DCAF7: variants seen among roughly 807,000 people sequenced by gnomAD.
The protein encoded by DCAF7 is DDB1- and CUL4-associated factor 7.
In DCAF7, 4 loss-of-function variants were observed where a neutral mutation model predicts 41.2. The observed-to-expected ratio is 0.10, with a 90% CI of 0.05 to 0.22. The LOEUF is 0.22. DCAF7 is among the 10% of genes least tolerant of loss of function. The pLI, the probability that DCAF7 is intolerant of heterozygous loss-of-function variation, is 1.00. For missense variants in DCAF7, 131 were observed against 443.2 expected, an observed-to-expected ratio of 0.30 and a Z score of 6.32; for synonymous variants, 143 against 164.2, an observed-to-expected ratio of 0.87 and a Z score of 0.99.
At chr17:63,559,377 GTA>G (rs10637227) in intron 1 of DCAF7, among the ~76,000 whole-genome samples, 62 of 114,176 alleles carry the variant, frequency 5.4e-4, no homozygotes, top group Non-Finnish European at 7.5e-4. Flanking sequence ...ATATATATGT[GTA>G]TATATATGTA....
At chr17:63,556,746 A>T (rs2033315478) in intron 1 of DCAF7, among the ~76,000 whole-genome samples, 1 of 152,126 alleles carries the variant, frequency 6.6e-6, no homozygotes, top group African/African-American at 2.4e-5. Context: ...GCGTGCCTGT[A>T]ATCCAAGCTA....
chr17:63,567,128 G>GA (rs921377791), intron 1 of DCAF7, among the ~76,000 whole-genome samples: 16 of 151,950 alleles, frequency 1.1e-4, no homozygotes, highest in South Asian at 2.1e-4. Context: ...TTTAAAAAAA[G>GA]AAAAAACCAC....
Position 63,550,652 on chromosome 17 carries a change from G to C in DCAF7, c.-26G>C, listed in dbSNP as rs777836135. ...CCCGCCGCAGCCCACTGTTGACCCG[G>C]CCCGTACTGCGGCCCCGTGGCCACC... On this transcript the variant is annotated 5_prime_UTR_variant, in exon 1 of 7. Transcript: ENST00000614556. This position sits in a 1 kb window ranked among gnomAD's most constrained non-coding sequence, Gnocchi z 4.8. 6.2e-7 allele frequency: 1 copy of C among 1,611,824 alleles called. No individual in the cohort carries two copies. The highest frequency in any genetic ancestry group is 8.5e-7 in the Non-Finnish European group (1 of 1,179,326).
rs1284035990 is a variant in DCAF7 at position 63,592,411 on chromosome 17, T to TAAAAAAAAAAAAA, written c.*3243_*3255dup. 9.6e-6 allele frequency: 1 copy of TAAAAAAAAAAAAA among 103,654 alleles called. No individual in the cohort carries two copies. Among genetic ancestry groups the TAAAAAAAAAAAAA allele is most frequent in the Non-Finnish European group, 2.2e-5 (1 of 45,836 alleles). 6.4% of individuals were successfully genotyped at this position (103,654 alleles called of 1,614,324 possible). A position where few individuals can be genotyped will look rare whatever the true frequency, so the allele number is the denominator to read the frequency against. On this transcript the variant is annotated 3_prime_UTR_variant, in exon 7 of 7. Transcript: ENST00000614556. ...CAGAGCAAGACTCCGTCTCAAAAAA[T>TAAAAAAAAAAAAA]AAAAAAAAAAAAAAAATAGGTGAAA...
rs1220170548 is a variant in DCAF7 at position 63,588,257 on chromosome 17, G to A, written c.857-743G>A. ...TGCTGGAGTGCGGTGGTATGATCTC[G>A]GCTCACTGCAACCTCTGCCTCCCGA... On this transcript the variant is annotated intron_variant, in intron 6 of 6. Coordinates refer to ENST00000614556, the MANE Select transcript of DCAF7 (RefSeq NM_005828.5). Among the ~76,000 whole-genome samples the A allele has an allele frequency of 6.9e-5, 10 of 145,600 alleles. No homozygotes were observed. The East Asian group carries it at 1.4e-3, about 20-fold the overall frequency.
In DCAF7 at chr17:63,550,524, T is replaced by C; in HGVS notation, c.-154T>C. Reference sequence around the variant, plus strand: ...TGAAACTAGGGGTCGGGCTCGGCCGTCGTCGTTGTTTGTCGCCGCATCCCC... The same window carrying C: ...TGAAACTAGGGGTCGGGCTCGGCCGCCGTCGTTGTTTGTCGCCGCATCCCC... On this transcript the variant is annotated 5_prime_UTR_variant, in exon 1 of 7. Coordinates refer to ENST00000614556, the MANE Select transcript of DCAF7 (RefSeq NM_005828.5). The surrounding 1 kb of genome is among the most constrained non-coding windows in gnomAD (Gnocchi z 4.8). 8.0e-7 allele frequency: 1 copy of C among 1,244,250 alleles called. No homozygotes were observed. The highest frequency in any genetic ancestry group is 1.1e-6 in the Non-Finnish European group (1 of 929,412). The allele number at this position is 1,244,250 out of a possible 1,614,324, so 77.1% of individuals were successfully genotyped here.
At chr17:63,569,352 G>C (rs1018644360) in intron 1 of DCAF7, among the ~76,000 whole-genome samples, 1 of 149,540 alleles carries the variant, frequency 6.7e-6, no homozygotes, top group African/African-American at 2.5e-5. Flanking sequence ...TATAGGGTGT[G>C]TTGGAATAAC....
intron 1 of DCAF7, among the ~76,000 whole-genome samples, chr17:63,559,317 A>ATG (rs1384022014): frequency 5.4e-5 from 5 of 92,032 alleles, no homozygotes; most frequent in East Asian, 2.3e-4. Flanking sequence ...ATATATATAT[A>ATG]TATGTATATA....
intron 1 of DCAF7, among the ~76,000 whole-genome samples, chr17:63,563,905 G>C (rs1206146257): frequency 6.6e-6 from 1 of 152,068 alleles, no homozygotes; most frequent in Non-Finnish European, 1.5e-5. Context: ...GGGAATCCCG[G>C]TACATAGATT....
At chr17:63,556,177 G>T (rs911964716) in intron 1 of DCAF7, among the ~76,000 whole-genome samples, 4 of 152,216 alleles carry the variant, frequency 2.6e-5, no homozygotes, top group Non-Finnish European at 5.9e-5. Context: ...CCAGTGACTG[G>T]AGTGTTATGT....
At position 63,593,350 on chromosome 17, in the gene DCAF7, AT is replaced by A. The variant is rs1157809556; in HGVS notation, c.*4179del. On this transcript the variant is annotated 3_prime_UTR_variant, in exon 7 of 7. Coordinates refer to ENST00000614556, the MANE Select transcript of DCAF7 (RefSeq NM_005828.5). The stretch of plus-strand genomic sequence containing the variant: ...CCCTCTCACAGTGTCACTGCTGCTA[AT>A]GGTCAAAGTCAAATGTGTGGCCACA... The A allele has an allele frequency of 6.5e-6, 1 of 152,738 alleles. No individual in the cohort carries two copies. The highest frequency in any genetic ancestry group is 2.4e-5 in the African/African-American group (1 of 41,446). The allele number at this position is 152,738 out of a possible 1,614,324, so 9.5% of individuals were successfully genotyped here. A position where few individuals can be genotyped will look rare whatever the true frequency, so the allele number is the denominator to read the frequency against.
Position 63,590,370 on chromosome 17 carries a change from GT to G in DCAF7, c.*1200del. 1 of 152,560 alleles carries G rather than the reference GT, an allele frequency of 6.6e-6. No homozygotes were observed. The highest frequency in any genetic ancestry group is 2.4e-5 in the African/African-American group (1 of 41,438). The allele number at this position is 152,560 out of a possible 1,614,324, so 9.5% of individuals were successfully genotyped here. On this transcript the variant is annotated 3_prime_UTR_variant, in exon 7 of 7. Coordinates refer to ENST00000614556, the MANE Select transcript of DCAF7 (RefSeq NM_005828.5). The stretch of plus-strand genomic sequence containing the variant: ...TCCTGGGCTGTCAAGTGGATAGATA[GT>G]TAAAAAGCATTATACTGTGGGTAAT...
chr17:63,587,845 G>T (rs1019690950), intron 6 of DCAF7, among the ~76,000 whole-genome samples: 2 of 151,678 alleles, frequency 1.3e-5, no homozygotes, highest in Non-Finnish European at 2.9e-5. Flanking sequence ...TATAGGCCAG[G>T]TGCGGTGGTT....
rs779432890 is a variant in DCAF7 at position 63,579,898 on chromosome 17, C to T, written c.483C>T (p.Leu161=). 6.2e-6 allele frequency: 10 copies of T among 1,613,734 alleles called. No homozygotes were observed. The highest frequency in any genetic ancestry group is 1.1e-5 in the South Asian group (1 of 91,060). The change falls in exon 4 of 7, where the codon CTC becomes CTT. Residue 161 remains leucine, a synonymous_variant. Transcript: ENST00000614556. ...GGCAGGTGTTAGGGCGAGTGAATCT[C>T]GTGTCTGGCCACGTGAAGACCCAGC... The part of the protein sequence containing the change: ...ETGQVLGRVN[L]VSGHVKTQLI...
intron 1 of DCAF7, among the ~76,000 whole-genome samples, chr17:63,560,364 C>A (rs777548497): frequency 4.6e-5 from 7 of 152,012 alleles, no homozygotes; most frequent in Non-Finnish European, 8.8e-5. Context: ...TTCATTTTAG[C>A]ATTATTTGTA....
chr17:63,552,699 T>G (rs191378273), intron 1 of DCAF7: 4 of 152,362 alleles, frequency 2.6e-5, no homozygotes, highest in African/African-American at 9.6e-5. Flanking sequence ...GGGTAAGCAA[T>G]AGTTACTCCT....
rs2033729313 is a variant in DCAF7, at chr17:63,591,100, T to C, written c.*1928T>C. Reference sequence around the variant, plus strand: ...GCAGTTCTTGGTCAGAACCCTCCTCTGCTTTTCATTGTGTTTGATAATGGT... The same window carrying C: ...GCAGTTCTTGGTCAGAACCCTCCTCCGCTTTTCATTGTGTTTGATAATGGT... On this transcript the variant is annotated 3_prime_UTR_variant, in exon 7 of 7. Coordinates refer to ENST00000614556, the MANE Select transcript of DCAF7 (RefSeq NM_005828.5). 6.6e-6 allele frequency: 1 copy of C among 152,212 alleles called. No homozygotes were observed. Among genetic ancestry groups the C allele is most frequent in the South Asian group, 2.1e-4 (1 of 4,832 alleles). 9.4% of individuals were successfully genotyped at this position (152,212 alleles called of 1,614,324 possible).
At position 63,589,424 on chromosome 17, in the gene DCAF7, T is replaced by G. The variant is rs2147780483; in HGVS notation, c.*252T>G. On this transcript the variant is annotated 3_prime_UTR_variant, in exon 7 of 7. Transcript: ENST00000614556. ...TTTTCTCTCCTTTCCTCTTCTCCTT[T>G]GGTTCCTCAATTAAAAAATGTGTGT... The G allele has an allele frequency of 1.8e-6, 1 of 547,562 alleles. No individual in the cohort carries two copies. Among genetic ancestry groups the G allele is most frequent in the South Asian group, 1.8e-5 (1 of 56,876 alleles). 33.9% of individuals were successfully genotyped at this position (547,562 alleles called of 1,614,324 possible). A position where few individuals can be genotyped will look rare whatever the true frequency, so the allele number is the denominator to read the frequency against.
At chr17:63,576,929 T>C (rs1253118262) in intron 1 of DCAF7, among the ~76,000 whole-genome samples, 1 of 152,198 alleles carries the variant, frequency 6.6e-6, no homozygotes, top group African/African-American at 2.4e-5. Context: ...CCCAAAATTA[T>C]ACTGCCACAT....
Sources: allele counts gnomAD v4.1 joint callset (sites outside exome capture counted in the v4.1 genomes callset), GRCh38; gene constraint gnomAD v4.1.1; non-coding constraint Gnocchi (gnomAD v3.1); transcripts MANE v1.5; gene names NCBI Gene and HGNC (gene_info 2026-07-23, HGNC 2026-07-21).